The following KAZN variants were observed in gnomAD, a reference collection of about 807,000 sequenced individuals.
KAZN encodes kazrin.
Under a neutral mutation model 87.4 loss-of-function variants are expected in KAZN, and 40 were observed. The ratio of observed to expected loss-of-function variants is 0.46; its 90% confidence interval spans 0.36 to 0.60. The LOEUF (loss-of-function observed/expected upper bound fraction) is 0.60. KAZN is among the 20% of genes least tolerant of loss of function. The pLI is 0.00. For missense variants in KAZN, 898 were observed against 1,073.9 expected, an observed-to-expected ratio of 0.84 and a Z score of 2.29; for synonymous variants, 466 against 458.3, an observed-to-expected ratio of 1.02 and a Z score of -0.22.
At chr1:14,992,670 G>A (rs1557694553) in intron 2 of KAZN, among the ~76,000 whole-genome samples, 1 of 152,146 alleles carries the variant, frequency 6.6e-6, no homozygotes, top group Non-Finnish European at 1.5e-5. Context: ...TTGTTGAGAA[G>A]TTTAGCCCTA....
At chr1:14,710,943 G>A (rs1375189405) in intron 1 of KAZN, among the ~76,000 whole-genome samples, 1 of 152,188 alleles carries the variant, frequency 6.6e-6, no homozygotes, top group African/African-American at 2.4e-5. Context: ...CAGCACTTAG[G>A]GAGGCCAAGG....
At chr1:14,027,726 G>T (rs1641141643) in intron 1 of KAZN, among the ~76,000 whole-genome samples, 1 of 152,120 alleles carries the variant, frequency 6.6e-6, no homozygotes, top group Non-Finnish European at 1.5e-5. Flanking sequence ...AATATTGGAG[G>T]GACAAGCAGT....
intron 1 of KAZN, among the ~76,000 whole-genome samples, chr1:14,717,767 C>T (rs575580184): frequency 2.6e-5 from 4 of 152,326 alleles, no homozygotes; most frequent in African/African-American, 9.6e-5. Flanking sequence ...GAAGGGGAAA[C>T]TGAGGCCCAA....
At chr1:14,506,727 G>A (rs1433203591) in intron 2 of KAZN, among the ~76,000 whole-genome samples, 2 of 152,220 alleles carry the variant, frequency 1.3e-5, no homozygotes, top group South Asian at 2.1e-4. Context: ...TGTCAAACAC[G>A]GTGCCAGGGA....
At chr1:14,836,289 AG>A (rs1490422214) in intron 1 of KAZN, among the ~76,000 whole-genome samples, 2 of 152,178 alleles carry the variant, frequency 1.3e-5, no homozygotes, top group Non-Finnish European at 2.9e-5. Flanking sequence ...CCAGGTCCCC[AG>A]GTCCCAAGCC....
chr1:15,100,174 G>C (rs1315080169), intron 10 of KAZN, among the ~76,000 whole-genome samples: 3 of 151,878 alleles, frequency 2.0e-5, no homozygotes, highest in Non-Finnish European at 4.4e-5. Flanking sequence ...GGGTAATACA[G>C]AGACAGGAGT....
upstream of KAZN, among the ~76,000 whole-genome samples, chr1:14,595,475 C>T (rs987806634): frequency 7.9e-5 from 12 of 151,666 alleles, no homozygotes; most frequent in African/African-American, 1.2e-4. Flanking sequence ...GTCAGGAGTT[C>T]GAGACCAACC....
At chr1:14,244,991 T>C (rs1489659488) in intron 2 of KAZN, among the ~76,000 whole-genome samples, 2 of 151,998 alleles carry the variant, frequency 1.3e-5, no homozygotes, top group Non-Finnish European at 2.9e-5. Flanking sequence ...GATGGAGTCT[T>C]GCTCTGTCAC....
chr1:14,824,115 A>C (rs1572577527), intron 1 of KAZN, among the ~76,000 whole-genome samples: 1 of 3,060 alleles, frequency 3.3e-4, no homozygotes, highest in African/African-American at 9.2e-4. Context: ...CTCCATCTCA[A>C]AAAAAAAAAA....
At chr1:14,383,322 A>G (rs1661544030) in intron 2 of KAZN, among the ~76,000 whole-genome samples, 1 of 150,588 alleles carries the variant, frequency 6.6e-6, no homozygotes, top group Non-Finnish European at 1.5e-5. Context: ...TAGTTTAATT[A>G]GATCCCATTT....
intron 1 of KAZN, among the ~76,000 whole-genome samples, chr1:14,040,060 T>TGC (rs1335122989): frequency 2.0e-4 from 31 of 151,418 alleles, no homozygotes; most frequent in Admixed American, 1.4e-3. Flanking sequence ...TGTGTGTGTG[T>TGC]GCACGTGTGT....
chr1:14,954,167 A>T (rs986580485), intron 1 of KAZN, among the ~76,000 whole-genome samples: 2 of 152,190 alleles, frequency 1.3e-5, no homozygotes, highest in Non-Finnish European at 2.9e-5. Flanking sequence ...ACCATTGGTA[A>T]CAGTTGGCTC....
intron 2 of KAZN, among the ~76,000 whole-genome samples, chr1:14,590,561 T>C (rs1291232939): frequency 6.6e-6 from 1 of 152,204 alleles, no homozygotes; most frequent in Non-Finnish European, 1.5e-5. Context: ...CTGAGTGTTT[T>C]ACTCATGGTG....
intron 1 of KAZN, among the ~76,000 whole-genome samples, chr1:14,603,781 C>T (rs535560627): frequency 2.6e-5 from 4 of 152,238 alleles, no homozygotes; most frequent in African/African-American, 9.6e-5. Context: ...TTTTAGGAAT[C>T]CTATAGGGTT....
chr1:14,286,374 A>G (rs1185180289), intron 2 of KAZN, among the ~76,000 whole-genome samples: 1 of 152,170 alleles, frequency 6.6e-6, no homozygotes, highest in Admixed American at 6.5e-5. Context: ...ATCTCCAAAT[A>G]CAGTTACATT....
At chr1:14,418,732 G>C (rs1443269831) in intron 2 of KAZN, among the ~76,000 whole-genome samples, 1 of 152,142 alleles carries the variant, frequency 6.6e-6, no homozygotes, top group Non-Finnish European at 1.5e-5. Context: ...CTCTCAAGTA[G>C]GGCAGGCCAA....
At chr1:14,524,406 T>C (rs1184942891) in intron 2 of KAZN, among the ~76,000 whole-genome samples, 1 of 152,136 alleles carries the variant, frequency 6.6e-6, no homozygotes, top group Admixed American at 6.6e-5. Context: ...ACCCACATTC[T>C]AGACCCAGCT....
intron 2 of KAZN, among the ~76,000 whole-genome samples, chr1:14,542,936 C>A (rs1571897774): frequency 6.6e-6 from 1 of 151,540 alleles, no homozygotes; most frequent in Non-Finnish European, 1.5e-5. Context: ...GAAGTGGCAG[C>A]CCTGCTCTTG....
intron 2 of KAZN, among the ~76,000 whole-genome samples, chr1:14,344,239 A>T (rs1321454638): frequency 6.7e-6 from 1 of 148,540 alleles, no homozygotes; most frequent in African/African-American, 2.5e-5. Context: ...ACCATCAGTC[A>T]CAGATGGCAA....
Sources: gnomAD v4.1 joint callset for allele counts (sites outside exome capture counted in the v4.1 genomes callset) on GRCh38, gnomAD v4.1.1 for gene constraint, MANE v1.5 for transcripts, NCBI Gene and HGNC (gene_info 2026-07-23, HGNC 2026-07-21) for gene names.